The following NIBAN1 variants were observed in gnomAD, a reference collection of about 807,000 sequenced individuals.
NIBAN1 encodes the protein niban apoptosis regulator 1, also known as protein Niban 1.
Under a neutral mutation model 75.1 loss-of-function variants are expected in NIBAN1, and 81 were observed. That is an observed-to-expected ratio of 1.08 (90% CI 0.90 to 1.30). The LOEUF (loss-of-function observed/expected upper bound fraction) is 1.30, where lower values mean the gene tolerates loss of function less well. NIBAN1 is among the 50% of genes most tolerant of loss of function. The probability of loss-of-function intolerance (pLI) is 0.00; values close to 1 mark genes in which losing one functional copy is unlikely to be tolerated. For missense variants in NIBAN1, 1,133 were observed against 1,128.1 expected (o/e 1.00, Z -0.06); for synonymous variants, 436 against 424.8 (o/e 1.03, Z -0.32).
intron 5 of NIBAN1, among the ~76,000 whole-genome samples, chr1:184,838,596 G>A (rs568528082): frequency 5.3e-5 from 8 of 152,300 alleles, no homozygotes; most frequent in African/African-American, 1.7e-4. Context: ...ACATGATTAA[G>A]GATTCTGCAA....
At position 184,924,345 on chromosome 1, in the gene NIBAN1, T is replaced by C. The variant is rs914066330; in HGVS notation, c.56-25036A>G. On this transcript the variant is annotated intron_variant, in intron 1 of 13. Transcript: ENST00000367511. ...AATTCTGTTGATATGATGTATCACA[T>C]TGATTGATTTACATATATGGAATCA... Among the ~76,000 whole-genome samples the C allele has an allele frequency of 5.3e-5, 8 of 152,368 alleles. No homozygotes were observed. In the East Asian group the frequency reaches 1.2e-3, roughly 22 times the overall value.
chr1:184,882,633 A>G (rs773886418), intron 5 of NIBAN1, among the ~76,000 whole-genome samples: 11 of 152,220 alleles, frequency 7.2e-5, no homozygotes, highest in Non-Finnish European at 1.3e-4. Flanking sequence ...GAAATCTTCC[A>G]TAAATGGAGT....
intron 9 of NIBAN1, among the ~76,000 whole-genome samples, chr1:184,813,185 A>G (rs1339849848): frequency 6.6e-6 from 1 of 152,108 alleles, no homozygotes; most frequent in Non-Finnish European, 1.5e-5. Flanking sequence ...TCTTACAACT[A>G]CTGTGTAATG....
At chr1:184,866,323 T>A (rs113024330) in intron 5 of NIBAN1, among the ~76,000 whole-genome samples, 2,023 of 152,246 alleles carry the variant, frequency 0.013, 45 homozygotes, top group African/African-American at 0.046. Flanking sequence ...CTGGTGGAAA[T>A]GACATTTAAC....
At chr1:184,836,362 CA>C (rs1353692594) in intron 5 of NIBAN1, among the ~76,000 whole-genome samples, 10 of 152,162 alleles carry the variant, frequency 6.6e-5, no homozygotes, top group African/African-American at 2.4e-4. Flanking sequence ...GCCAGATCTG[CA>C]AGCCAGGGAA....
intron 1 of NIBAN1, among the ~76,000 whole-genome samples, chr1:184,915,545 G>T (rs1347208616): frequency 6.6e-6 from 1 of 152,124 alleles, no homozygotes; most frequent in Non-Finnish European, 1.5e-5. Context: ...GAGGGCACTT[G>T]ATCAGTTTTC....
chr1:184,830,026 A>T (rs570590274), intron 6 of NIBAN1, among the ~76,000 whole-genome samples: 1 of 152,326 alleles, frequency 6.6e-6, no homozygotes, highest in South Asian at 2.1e-4. Flanking sequence ...TGTCTTGTCC[A>T]TCTCTGGGTC....
At chr1:184,920,087 G>A (rs1557914776) in intron 1 of NIBAN1, among the ~76,000 whole-genome samples, 1 of 152,132 alleles carries the variant, frequency 6.6e-6, no homozygotes, top group Non-Finnish European at 1.5e-5. Context: ...AAGTGGGTTT[G>A]AGCCTCCAAC....
intron 5 of NIBAN1, among the ~76,000 whole-genome samples, chr1:184,836,776 G>A (rs956029087): frequency 2.0e-5 from 3 of 152,176 alleles, no homozygotes; most frequent in African/African-American, 7.2e-5. Flanking sequence ...CATTCAGGCA[G>A]ACTTAAACTA....
At chr1:184,815,601 A>T (rs1353114713) in intron 9 of NIBAN1, among the ~76,000 whole-genome samples, 2 of 152,214 alleles carry the variant, frequency 1.3e-5, no homozygotes, top group African/African-American at 4.8e-5. Flanking sequence ...TGAGCAGTAT[A>T]AATGAAAAGG....
At chr1:184,970,476 C>T (rs2102095094) in intron 1 of NIBAN1, among the ~76,000 whole-genome samples, 1 of 152,310 alleles carries the variant, frequency 6.6e-6, no homozygotes, top group Non-Finnish European at 1.5e-5. Context: ...AGACTTCATT[C>T]TAGACACATC....
chr1:184,879,478 C>T (rs1021178497), intron 5 of NIBAN1, among the ~76,000 whole-genome samples: 6 of 152,070 alleles, frequency 3.9e-5, no homozygotes, highest in Non-Finnish European at 8.8e-5. Context: ...TTGATCTCCA[C>T]ACTAGATGCA....
chr1:184,893,755 C>T (rs1571553080), intron 3 of NIBAN1, among the ~76,000 whole-genome samples: 2 of 152,306 alleles, frequency 1.3e-5, no homozygotes, highest in Admixed American at 1.3e-4. Flanking sequence ...AATACTGGTC[C>T]TTCTGTCTTC....
At chr1:184,961,057 CTTTTTTTTTTT>C (rs1168955438) in intron 1 of NIBAN1, among the ~76,000 whole-genome samples, 6 of 57,810 alleles carry the variant, frequency 1.0e-4, no homozygotes, top group Non-Finnish European at 1.3e-4. Flanking sequence ...ATATGCCGTT[CTTTTTTTTTTT>C]TTTTTTTTTT....
At chr1:184,798,316 T>C in intron 12 of NIBAN1, 126 bp from the exon 13 acceptor site, 1 of 570,816 alleles carries the variant, frequency 1.8e-6, no homozygotes, top group Admixed American at 3.1e-5. Context: ...AGGACCATGT[T>C]GGCCCAGGGG....
In NIBAN1 at chr1:184,823,160, T is replaced by C. The variant is rs1212378267; in HGVS notation, c.985+7A>G. The C allele has an allele frequency of 6.2e-7, 1 of 1,613,850 alleles. No homozygotes were observed. The highest frequency in any genetic ancestry group is 1.7e-5 in the Admixed American group (1 of 60,012). On this transcript the variant is annotated splice_region_variant and intron_variant, in intron 8 of 13. Coordinates refer to ENST00000367511, the MANE Select transcript of NIBAN1 (RefSeq NM_052966.4). ...AATTAGTAAGAGCATGGATTATCTC[T>C]ACTGACCTTTGATCTTTCCAATTAA...
rs1211512691 is a variant in NIBAN1, at chr1:184,881,776, G to A, written c.601+2857C>T. ...GGTATTTGTAAACTGTCATGGCACT[G>A]GTGGGAGTGTAGCAGTGAGGATGAC... On this transcript the variant is annotated intron_variant, in intron 5 of 13. Transcript: ENST00000367511. 2.0e-5 allele frequency among the ~76,000 whole-genome samples: 3 copies of A among 152,138 alleles called. No individual in the cohort carries two copies. The East Asian group carries it at 5.8e-4, about 29-fold the overall frequency.
At chr1:184,819,100 A>C (rs1258955273) in intron 8 of NIBAN1, among the ~76,000 whole-genome samples, 1 of 152,142 alleles carries the variant, frequency 6.6e-6, no homozygotes, top group Non-Finnish European at 1.5e-5. Flanking sequence ...CCCTCTGAAC[A>C]TGCAACTCTT....
Position 184,918,488 on chromosome 1 carries a change from C to T in NIBAN1, c.56-19179G>A, listed in dbSNP as rs145533581. Among the ~76,000 whole-genome samples, 228 of 152,298 alleles carry T rather than the reference C, an allele frequency of 1.5e-3. 2 individuals are homozygous for T. The highest frequency in any genetic ancestry group is 2.9e-3 in the South Asian group (14 of 4,816). ...ACCTGTCCAGCTTCTCCTCTATCCACAGAGCGTTGTATATGCTGGCTATGG... is the reference window on the plus strand; with the variant it reads ...ACCTGTCCAGCTTCTCCTCTATCCATAGAGCGTTGTATATGCTGGCTATGG... On this transcript the variant is annotated intron_variant, in intron 1 of 13. Transcript: ENST00000367511.
Sources: allele counts gnomAD v4.1 joint callset (sites outside exome capture counted in the v4.1 genomes callset), GRCh38; gene constraint gnomAD v4.1.1; transcripts MANE v1.5; gene names NCBI Gene and HGNC (gene_info 2026-07-23, HGNC 2026-07-21).